The following AFAP1L2 variants were observed in gnomAD, a reference collection of about 807,000 sequenced individuals.
AFAP1L2 encodes the protein actin filament associated protein 1 like 2, also known as actin filament-associated protein 1-like 2.
In AFAP1L2, 46 loss-of-function variants were observed where a neutral mutation model predicts 99.3. The observed-to-expected ratio is 0.46, with a 90% CI of 0.37 to 0.59. AFAP1L2 has a LOEUF of 0.59. AFAP1L2 is among the 20% of genes least tolerant of loss of function. The pLI is 0.00. For missense variants in AFAP1L2, 959 were observed against 1,034.9 expected, an observed-to-expected ratio of 0.93 and a Z score of 1.01; for synonymous variants, 397 against 419.1, an observed-to-expected ratio of 0.95 and a Z score of 0.64.
the AFAP1L2 span, chr10:114,286,621 A>G: frequency 1.1e-6 from 1 of 901,906 alleles, no homozygotes; most frequent in Non-Finnish European, 1.6e-6. Context: ...AGGGGCTGAA[A>G]CCACAGCCCC....
chr10:114,319,798 G>A (rs1244881523), intron 5 of AFAP1L2, among the ~76,000 whole-genome samples: 1 of 152,198 alleles, frequency 6.6e-6, no homozygotes, highest in East Asian at 1.9e-4. Context: ...CATCAGAGGT[G>A]TAGGCTGTTG....
At chr10:114,338,795 T>C (rs1253285714) in intron 2 of AFAP1L2, among the ~76,000 whole-genome samples, 1 of 152,224 alleles carries the variant, frequency 6.6e-6, no homozygotes, top group Admixed American at 6.5e-5. Context: ...GGAAATGTTC[T>C]ATATCTTGTT....
intron 1 of AFAP1L2, among the ~76,000 whole-genome samples, chr10:114,372,002 GA>G (rs1168348034): frequency 6.6e-6 from 1 of 152,088 alleles, no homozygotes; most frequent in African/African-American, 2.4e-5. Context: ...CTCCCCATGG[GA>G]ACCACTACAT....
chr10:114,346,856 C>T (rs1166891307), intron 1 of AFAP1L2, among the ~76,000 whole-genome samples: 1 of 152,212 alleles, frequency 6.6e-6, no homozygotes, highest in Non-Finnish European at 1.5e-5. Flanking sequence ...TTGCCCTCCT[C>T]TGTGGTGAAG....
At position 114,359,504 on chromosome 10, in the gene AFAP1L2, T is replaced by C. The variant is rs116982488; in HGVS notation, c.17-18773A>G. Among the ~76,000 whole-genome samples, 598 of 152,308 alleles carry C rather than the reference T, an allele frequency of 3.9e-3. 3 individuals carry two copies. Among genetic ancestry groups the C allele is most frequent in the Middle Eastern group, 0.027 (8 of 294 alleles). On this transcript the variant is annotated intron_variant, in intron 1 of 18. Transcript: ENST00000304129. Reference sequence around the variant, plus strand: ...GTACTGCTGGTGTCATTCATCTGAGTCATCTGCAAATGGATCAACTTTCCC... The same window carrying C: ...GTACTGCTGGTGTCATTCATCTGAGCCATCTGCAAATGGATCAACTTTCCC...
chr10:114,289,179 A>C, the AFAP1L2 span: 2 of 1,613,666 alleles, frequency 1.2e-6, no homozygotes, highest in Admixed American at 3.3e-5. Flanking sequence ...CCCCCTACCT[A>C]GGTGGGGTGG....
chr10:114,314,968 C>A (rs573238850), intron 6 of AFAP1L2, among the ~76,000 whole-genome samples: 1 of 152,100 alleles, frequency 6.6e-6, no homozygotes, highest in Non-Finnish European at 1.5e-5. Flanking sequence ...TGGTGAAACC[C>A]CGTCTCTACT....
rs2040024582 is a variant in AFAP1L2 at position 114,295,255 on chromosome 10, T to TAA, written c.*785_*786dup. The TAA allele has an allele frequency of 1.0e-6, 1 of 985,532 alleles. No individual in the cohort carries two copies. The highest frequency in any genetic ancestry group is 1.2e-6 in the Non-Finnish European group (1 of 829,748). The allele number at this position is 985,532 out of a possible 1,614,324, so 61.0% of individuals were successfully genotyped here. On this transcript the variant is annotated 3_prime_UTR_variant, in exon 19 of 19. Transcript: ENST00000304129. ...ACACAGAGTAATATTTTTCCTACAG[T>TAA]AAAGAGTCACTTTAATCTCAAAAGA...
intron 8 of AFAP1L2, 64 bp from the exon 9 acceptor site, chr10:114,308,581 T>A (rs950496935): frequency 1.4e-6 from 2 of 1,427,906 alleles, no homozygotes; most frequent in African/African-American, 2.8e-5. Flanking sequence ...GAGACCACAA[T>A]TGAAGGGAAA....
Position 114,297,584 on chromosome 10 carries a change from C to A in AFAP1L2, c.2114-171G>T, listed in dbSNP as rs573651736. ...TATGCCGGGGCAGCCTGGAGGCCTC[C>A]TTTAGCTAGCATTCTGCAAAGGCTG... On this transcript the variant is annotated intron_variant, in intron 16 of 18. Transcript: ENST00000304129. Among the ~76,000 whole-genome samples, 39 of 152,302 alleles carry A rather than the reference C, an allele frequency of 2.6e-4. No homozygotes were observed. The South Asian group carries it at 8.1e-3, about 32-fold the overall frequency.
Position 114,323,227 on chromosome 10 carries a change from G to A in AFAP1L2, c.350C>T (p.Thr117Met), listed in dbSNP as rs751354830. The part of the protein sequence containing the change: ...PERKQLAIPK[T>M]ESPEGYYEEA... ...TTCATAGTAGCCCTCTGGAGACTCCGTCTTTGGGATGGCAAGCTGTTTCCG... is the reference window on the plus strand; with the variant it reads ...TTCATAGTAGCCCTCTGGAGACTCCATCTTTGGGATGGCAAGCTGTTTCCG... Residue 117 changes from threonine to methionine, a missense_variant, in exon 5 of 19, where the codon ACG (threonine) becomes ATG (methionine). Thr to Met is a moderately conservative substitution (Grantham distance 81). Transcript: ENST00000304129. The A allele has an allele frequency of 2.0e-5, 32 of 1,601,744 alleles. No individual in the cohort carries two copies. The highest frequency in any genetic ancestry group is 1.6e-4 in the Middle Eastern group (1 of 6,074).
chr10:114,306,466 C>A (rs534521304), intron 10 of AFAP1L2, among the ~76,000 whole-genome samples: 12 of 151,878 alleles, frequency 7.9e-5, no homozygotes, highest in African/African-American at 2.2e-4. Flanking sequence ...CCATCAGACA[C>A]CTTCCCTGTC....
At chr10:114,319,220 G>A (rs2044681375) in intron 5 of AFAP1L2, among the ~76,000 whole-genome samples, 1 of 152,170 alleles carries the variant, frequency 6.6e-6, no homozygotes, top group South Asian at 2.1e-4. Context: ...AGGAGGGGCA[G>A]GGTGAACAGG....
At chr10:114,402,121 T>C (rs1314127016) in intron 1 of AFAP1L2, among the ~76,000 whole-genome samples, 1 of 152,214 alleles carries the variant, frequency 6.6e-6, no homozygotes, top group Middle Eastern at 3.2e-3. Flanking sequence ...ACCTGCTTTT[T>C]CCGTTTAACT....
intron 1 of AFAP1L2, among the ~76,000 whole-genome samples, chr10:114,382,451 G>A (rs772579637): frequency 5.3e-5 from 8 of 152,124 alleles, no homozygotes; most frequent in South Asian, 2.1e-4. Context: ...ATCAGGGACC[G>A]GGAAGGGTGG....
At chr10:114,398,755 A>G in intron 1 of AFAP1L2, 1 of 1,165,870 alleles carries the variant, frequency 8.6e-7, no homozygotes, top group Non-Finnish European at 1.1e-6. Context: ...TCCCTCAACC[A>G]TCCACCCAGA....
In AFAP1L2 at chr10:114,340,663, T is replaced by A. The variant is rs1020260951; in HGVS notation, c.85A>T (p.Thr29Ser). 13 of 1,614,110 alleles carry A rather than the reference T, an allele frequency of 8.1e-6. No individual in the cohort carries two copies. The highest frequency in any genetic ancestry group is 1.1e-5 in the Non-Finnish European group (13 of 1,180,038). The change falls in exon 2 of 19, where the codon ACA (threonine) becomes TCA (serine). Residue 29 changes from threonine (T) to serine (S), a missense_variant. Around this residue, in one of 2 missense-constraint regions of AFAP1L2, gnomAD observed 383 missense variants for 472.8 expected, o/e 0.81. Transcript: ENST00000304129. ...AGGCAGCTCTTCTTCACCAGTGCTG[T>A]GCTGCTCAGGTTCTCCTGGTCAAGA... ...KILDQENLSS[T>S]ALVKKSCLAE...
intron 7 of AFAP1L2, among the ~76,000 whole-genome samples, chr10:114,312,665 C>T (rs1002321743): frequency 6.6e-6 from 1 of 152,184 alleles, no homozygotes; most frequent in Non-Finnish European, 1.5e-5. Flanking sequence ...AACTCAGAGC[C>T]CTGGCTCTTA....
the AFAP1L2 span, chr10:114,288,825 G>C: frequency 6.3e-6 from 7 of 1,110,354 alleles, no homozygotes; most frequent in Non-Finnish European, 9.1e-6. Context: ...ATTCTGCAGT[G>C]AACAGAGCAC....
Sources: allele counts gnomAD v4.1 joint callset (sites outside exome capture counted in the v4.1 genomes callset), GRCh38; gene constraint gnomAD v4.1.1; regional missense constraint gnomAD v4.1.1; transcripts MANE v1.5; gene names NCBI Gene and HGNC (gene_info 2026-07-23, HGNC 2026-07-21).